CTDSPL: variants seen among roughly 807,000 people sequenced by gnomAD.
CTDSPL encodes CTD small phosphatase like, also known as CTD small phosphatase-like protein.
CTDSPL carries 8 observed loss-of-function variants against 30.5 expected under a neutral mutation model. That is an observed-to-expected ratio of 0.26 (90% CI 0.15 to 0.47). The LOEUF is 0.47. Ranked by LOEUF, CTDSPL falls within the 20% of genes least tolerant of loss-of-function variation. CTDSPL has a pLI of 0.99. For synonymous variants in CTDSPL, 110 were observed against 137.9 expected (o/e 0.80, Z 1.42); for missense variants, 248 against 366.1 (o/e 0.68, Z 2.63).
chr3:37,917,010 C>T (rs966871594), intron 1 of CTDSPL, among the ~76,000 whole-genome samples: 5 of 152,202 alleles, frequency 3.3e-5, no homozygotes, highest in Admixed American at 2.6e-4. Context: ...AGCTTCTTCA[C>T]ATCTTTCTAG....
At chr3:37,890,028 A>T (rs1471149144) in intron 1 of CTDSPL, among the ~76,000 whole-genome samples, 1 of 152,260 alleles carries the variant, frequency 6.6e-6, no homozygotes, top group African/African-American at 2.4e-5. Flanking sequence ...GGAAATAAAT[A>T]AAAAACAGAG....
chr3:37,884,732 T>C (rs749032906), intron 1 of CTDSPL, among the ~76,000 whole-genome samples: 2 of 152,140 alleles, frequency 1.3e-5, no homozygotes, highest in African/African-American at 2.4e-5. Context: ...ACAATATTTC[T>C]TTCCAGAAAG....
At chr3:37,881,050 T>C (rs1336827294) in intron 1 of CTDSPL, among the ~76,000 whole-genome samples, 3 of 149,578 alleles carry the variant, frequency 2.0e-5, no homozygotes, top group Non-Finnish European at 4.4e-5. Context: ...AAGAAAGAAA[T>C]GTACTGTGGC....
In CTDSPL at chr3:37,939,319, G is replaced by A. The variant is rs1029504160; in HGVS notation, c.80-7738G>A. ...ATCATTCCTGTATTATTGTTGCTAC[G>A]GAGGTAGGTGAGGTCACACGGGCTA... On this transcript the variant is annotated intron_variant, in intron 1 of 7. Transcript: ENST00000273179. Among the ~76,000 whole-genome samples, 13 of 150,334 alleles carry A rather than the reference G, an allele frequency of 8.6e-5. 1 individual carries two copies. In the South Asian group the frequency reaches 2.4e-3, roughly 27 times the overall value.
chr3:37,962,852 A>G (rs915096786), intron 3 of CTDSPL, among the ~76,000 whole-genome samples: 1 of 152,240 alleles, frequency 6.6e-6, no homozygotes, highest in Non-Finnish European at 1.5e-5. Context: ...TAGTTGTGTA[A>G]TAAAAATTCA....
At chr3:37,889,348 A>G (rs1346158781) in intron 1 of CTDSPL, among the ~76,000 whole-genome samples, 1 of 152,224 alleles carries the variant, frequency 6.6e-6, no homozygotes, top group Admixed American at 6.5e-5. Context: ...AACTTAGCAC[A>G]TTTGAGGATA....
At chr3:37,880,510 A>C (rs931660383) in intron 1 of CTDSPL, among the ~76,000 whole-genome samples, 13 of 152,186 alleles carry the variant, frequency 8.5e-5, no homozygotes, top group African/African-American at 3.1e-4. Flanking sequence ...ACATTTCCTT[A>C]TAATGCACGT....
chr3:37,873,807 C>G (rs1367752088), intron 1 of CTDSPL, among the ~76,000 whole-genome samples: 2 of 152,184 alleles, frequency 1.3e-5, no homozygotes, highest in Admixed American at 1.3e-4. Flanking sequence ...AGATAATTCA[C>G]TGTGAAATCA....
intron 1 of CTDSPL, among the ~76,000 whole-genome samples, chr3:37,889,603 G>C (rs760084166): frequency 2.6e-5 from 4 of 152,140 alleles, no homozygotes; most frequent in Admixed American, 6.5e-5. Context: ...AATAATGTGA[G>C]AGAATTTTCA....
At chr3:37,969,507 A>G in intron 5 of CTDSPL, 1 of 461,382 alleles carries the variant, frequency 2.2e-6, no homozygotes, top group South Asian at 1.7e-5. Context: ...ATCCGGGCTC[A>G]GGACCCCCCT....
intron 1 of CTDSPL, among the ~76,000 whole-genome samples, chr3:37,924,267 A>G (rs9819445): frequency 0.028 from 4,210 of 152,220 alleles, 186 homozygotes; most frequent in African/African-American, 0.096. Flanking sequence ...TAGGGCTGCC[A>G]TTTGCTTTTC....
At chr3:37,869,142 A>C (rs1380140825) in intron 1 of CTDSPL, among the ~76,000 whole-genome samples, 2 of 152,042 alleles carry the variant, frequency 1.3e-5, no homozygotes, top group Non-Finnish European at 2.9e-5. Flanking sequence ...GTTCTTTTTA[A>C]ACTATACATA....
intron 1 of CTDSPL, among the ~76,000 whole-genome samples, chr3:37,928,976 C>T (rs1267290384): frequency 6.6e-6 from 1 of 152,076 alleles, no homozygotes; most frequent in Admixed American, 6.6e-5. Flanking sequence ...AAATAAAGGT[C>T]CAACTTCATT....
At chr3:37,902,005 T>C (rs1698455812) in intron 1 of CTDSPL, among the ~76,000 whole-genome samples, 1 of 152,060 alleles carries the variant, frequency 6.6e-6, no homozygotes. Flanking sequence ...CTGAGGCCTC[T>C]CCTCTGAGGG....
Position 37,982,280 on chromosome 3 carries a change from C to G in CTDSPL, c.*1413C>G, listed in dbSNP as rs766275999. 6.7e-5 allele frequency: 22 copies of G among 328,000 alleles called. No individual in the cohort carries two copies. Among genetic ancestry groups the G allele is most frequent in the Non-Finnish European group, 1.1e-4 (19 of 166,360 alleles). 20.3% of individuals were successfully genotyped at this position (328,000 alleles called of 1,614,324 possible). On this transcript the variant is annotated 3_prime_UTR_variant, in exon 8 of 8. Coordinates refer to ENST00000273179, the MANE Select transcript of CTDSPL (RefSeq NM_001008392.2). Reference sequence around the variant, plus strand: ...CTGTCTAGATGTGGGACTCATTGCCCCAAACCAGGGAGAGGAAGAGCTCCC... The same window carrying G: ...CTGTCTAGATGTGGGACTCATTGCCGCAAACCAGGGAGAGGAAGAGCTCCC...
At position 37,981,080 on chromosome 3, in the gene CTDSPL, A is replaced by G. The variant is rs981979895; in HGVS notation, c.*213A>G. ...TAAGAAATTTCATAAAGGGACATGC[A>G]TTTTACTGGGTTTGCTTTTCTTAAA... On this transcript the variant is annotated 3_prime_UTR_variant, in exon 8 of 8. Transcript: ENST00000273179. 2.3e-5 allele frequency: 8 copies of G among 353,248 alleles called. No homozygotes were observed. Among genetic ancestry groups the G allele is most frequent in the Non-Finnish European group, 3.9e-5 (8 of 207,268 alleles). 21.9% of individuals were successfully genotyped at this position (353,248 alleles called of 1,614,324 possible). A position where few individuals can be genotyped will look rare whatever the true frequency, so the allele number is the denominator to read the frequency against.
rs1239783761 is a variant in CTDSPL at position 37,952,510 on chromosome 3, GT to G, written c.235-4600del. On this transcript the variant is annotated intron_variant, in intron 2 of 7. Transcript: ENST00000273179. ...GATAGGAAGGGGTGGCACTGGCCAT[GT>G]CAGTCCCTTTTATGGAAAGTAAATG... Among the ~76,000 whole-genome samples the G allele has an allele frequency of 2.6e-5, 4 of 152,364 alleles. No individual in the cohort carries two copies. The East Asian group carries it at 7.7e-4, about 29-fold the overall frequency.
intron 3 of CTDSPL, among the ~76,000 whole-genome samples, chr3:37,959,478 CCAGA>C (rs1699212204): frequency 6.6e-6 from 1 of 152,166 alleles, no homozygotes. Flanking sequence ...CAGAAGTTTT[CCAGA>C]CAAACACAAA....
intron 1 of CTDSPL, among the ~76,000 whole-genome samples, chr3:37,915,290 T>C (rs1273197255): frequency 6.6e-6 from 1 of 152,166 alleles, no homozygotes; most frequent in African/African-American, 2.4e-5. Flanking sequence ...TTAGGTATAG[T>C]TTTATTTTTA....
Sources: allele counts gnomAD v4.1 joint callset (sites outside exome capture counted in the v4.1 genomes callset), GRCh38; gene constraint gnomAD v4.1.1; transcripts MANE v1.5; gene names NCBI Gene and HGNC (gene_info 2026-07-23, HGNC 2026-07-21).